MYRF: variants seen among roughly 807,000 people sequenced by gnomAD.
The protein encoded by MYRF is myelin regulatory factor, also known as myelin gene regulatory factor.
A neutral mutation model predicts 126.3 loss-of-function variants in MYRF; 16 were observed. The ratio of observed to expected loss-of-function variants is 0.13; its 90% CI spans 0.09 to 0.19. MYRF has a LOEUF of 0.19. Ranked by LOEUF, MYRF falls within the 10% of genes least tolerant of loss-of-function variation. The pLI is 1.00. For synonymous variants in MYRF, 608 were observed against 635.3 expected (o/e 0.96, Z 0.65); for missense variants, 1,104 against 1,547.0 (o/e 0.71, Z 4.80).
rs775085264 is a variant in MYRF at position 61,757,266 on chromosome 11, G to A, written c.46+4476G>A. On this transcript the variant is annotated intron_variant, in intron 1 of 26. Transcript: ENST00000278836. The surrounding 1 kb of genome is among the most constrained non-coding windows in gnomAD (Gnocchi z 4.7). ...GATGATGTAATGGTTCTGTGCATTC[G>A]CCAGCGAGGGCAGCTGGGGTCTGTT... The A allele has an allele frequency of 1.1e-5, 5 of 456,528 alleles. No homozygotes were observed. The highest frequency in any genetic ancestry group is 1.8e-5 in the Non-Finnish European group (4 of 226,934). 28.3% of individuals were successfully genotyped at this position (456,528 alleles called of 1,614,324 possible). A position where few individuals can be genotyped will look rare whatever the true frequency, so the allele number is the denominator to read the frequency against.
chr11:61,778,563 T>C lies in MYRF; in HGVS notation c.2013+74T>C, dbSNP rs1259338251. Reference sequence around the variant, plus strand: ...AGCTGGGGAACACTCATCACCTCCATAGATACTGGGGGCACTGCAAAGCAG... The same window carrying C: ...AGCTGGGGAACACTCATCACCTCCACAGATACTGGGGGCACTGCAAAGCAG... On this transcript the variant is annotated intron_variant, in intron 14 of 26. Coordinates refer to ENST00000278836, the MANE Select transcript of MYRF (RefSeq NM_001127392.3). The surrounding 1 kb of genome is among the most constrained non-coding windows in gnomAD (Gnocchi z 4.6). 3 of 1,077,944 alleles carry C rather than the reference T, an allele frequency of 2.8e-6. No homozygotes were observed. The highest frequency in any genetic ancestry group is 1.7e-5 in the Admixed American group (1 of 58,472). 66.8% of individuals were successfully genotyped at this position (1,077,944 alleles called of 1,614,324 possible). A position where few individuals can be genotyped will look rare whatever the true frequency, so the allele number is the denominator to read the frequency against.
chr11:61,771,430 G>A (rs2135789129), intron 5 of MYRF, 70 bp from the exon 6 acceptor site: 2 of 1,552,922 alleles, frequency 1.3e-6, no homozygotes, highest in South Asian at 2.4e-5. Flanking sequence ...AGGGGAGAGA[G>A]GTGGATACTA....
chr11:61,762,724 G>T (rs1449957835), intron 1 of MYRF, among the ~76,000 whole-genome samples: 1 of 152,172 alleles, frequency 6.6e-6, no homozygotes, highest in Non-Finnish European at 1.5e-5. Flanking sequence ...GGAAAGAGAC[G>T]ACGCGGCCTC....
In MYRF at chr11:61,766,147, C is replaced by T. The variant is rs750145999; in HGVS notation, c.324C>T (p.Gly108=). The change falls in exon 3 of 27, where the codon GGC becomes GGT. Residue 108 remains glycine, a synonymous_variant. Coordinates refer to ENST00000278836, the MANE Select transcript of MYRF (RefSeq NM_001127392.3). The part of the protein sequence containing the change: ...PLNCNNNNGM[G]AAPKPFPGGT... ...ACTGCAACAACAACAACGGCATGGG[C>T]GCTGCCCCCAAGCCCTTCCCGGGGG... is the stretch of plus-strand genomic sequence containing the variant. 21 of 1,611,060 alleles carry T rather than the reference C, an allele frequency of 1.3e-5. 1 individual carries two copies. Among genetic ancestry groups the T allele is most frequent in the Admixed American group, 8.3e-5 (5 of 59,994 alleles).
intron 7 of MYRF, among the ~76,000 whole-genome samples, chr11:61,772,405 C>T (rs1021219370): frequency 5.3e-5 from 8 of 152,228 alleles, no homozygotes; most frequent in Non-Finnish European, 1.0e-4. Context: ...CTTTCCAGGC[C>T]GCAGGCCGGG....
At chr11:61,768,067 G>A (rs1156284956) in intron 3 of MYRF, among the ~76,000 whole-genome samples, 1 of 151,134 alleles carries the variant, frequency 6.6e-6, no homozygotes, top group Non-Finnish European at 1.5e-5. Context: ...ACAGTGAGTG[G>A]TGATTGTGCC....
Position 61,757,693 on chromosome 11 carries a change from G to A in MYRF, c.46+4903G>A. ...TTCTGTTCTTGCTGCCAGCAAGGAG[G>A]AGGGGCTTGGCTGTATTGTGACTTC... On this transcript the variant is annotated intron_variant, in intron 1 of 26. Coordinates refer to ENST00000278836, the MANE Select transcript of MYRF (RefSeq NM_001127392.3). This position sits in a 1 kb window ranked among gnomAD's most constrained non-coding sequence, Gnocchi z 4.7. 2.6e-6 allele frequency: 1 copy of A among 388,288 alleles called. No homozygotes were observed. The allele number at this position is 388,288 out of a possible 1,614,324, so 24.1% of individuals were successfully genotyped here.
At chr11:61,762,207 A>G (rs1352792822) in intron 1 of MYRF, among the ~76,000 whole-genome samples, 1 of 150,232 alleles carries the variant, frequency 6.7e-6, no homozygotes, top group Non-Finnish European at 1.5e-5. Flanking sequence ...AGAGGAGGGG[A>G]GGCAGGGGAC....
chr11:61,761,209 C>T (rs1215285917), intron 1 of MYRF, among the ~76,000 whole-genome samples: 1 of 152,040 alleles, frequency 6.6e-6, no homozygotes, highest in Non-Finnish European at 1.5e-5. Context: ...TCCCCACCCT[C>T]CCCCGTTCCC....
intron 4 of MYRF, 92 bp from the exon 5 acceptor site, chr11:61,770,154 G>A: frequency 7.6e-7 from 1 of 1,318,686 alleles, no homozygotes; most frequent in Non-Finnish European, 1.0e-6. Context: ...TCAGGACGGG[G>A]TGGAAGCAGG....
chr11:61,775,332 G>A (rs1454254631), intron 8 of MYRF, among the ~76,000 whole-genome samples: 2 of 151,848 alleles, frequency 1.3e-5, no homozygotes, highest in African/African-American at 2.4e-5. Flanking sequence ...CGCAGCCCCC[G>A]CCCTCCACCC....
At chr11:61,753,199 G>A (rs901198390) in intron 1 of MYRF, among the ~76,000 whole-genome samples, 1 of 151,988 alleles carries the variant, frequency 6.6e-6, no homozygotes, top group Non-Finnish European at 1.5e-5. Flanking sequence ...CCCCCGGTGT[G>A]CCTTCTAGGA....
At chr11:61,753,613 G>A (rs1447752917) in intron 1 of MYRF, among the ~76,000 whole-genome samples, 1 of 151,134 alleles carries the variant, frequency 6.6e-6, no homozygotes, top group Admixed American at 6.6e-5. Context: ...CTGGAGCTGT[G>A]CCTCTCTGAC....
intron 22 of MYRF, chr11:61,782,799 G>A (rs2066587767): frequency 1.3e-5 from 2 of 152,324 alleles, no homozygotes; most frequent in Admixed American, 1.3e-4. Flanking sequence ...TACCTGTCCT[G>A]ACCACACAGG....
rs772784092 is a variant in MYRF at position 61,771,859 on chromosome 11, G to T, written c.1022G>T (p.Gly341Val). ...CTGCAGGACAGTGACAGCCTCAGTG[G>T]CTCCTACCTGGACCCCAACTACCAG... ...GLLQDSDSLSGSYLDPNYQSI... is the reference protein window; with the variant it reads ...GLLQDSDSLSVSYLDPNYQSI... Residue 341 changes from glycine (G) to valine (V), a missense_variant, in exon 7 of 27, where the codon GGC becomes GTC. Physicochemically the swap from Gly to Val is moderately radical, Grantham distance 109. Transcript: ENST00000278836. The T allele has an allele frequency of 8.7e-6, 14 of 1,614,140 alleles. No individual in the cohort carries two copies. The highest frequency in any genetic ancestry group is 1.1e-5 in the Non-Finnish European group (13 of 1,180,018).
At position 61,771,686 on chromosome 11, in the gene MYRF, C is replaced by T; in HGVS notation, c.927C>T (p.Ser309=). The T allele has an allele frequency of 6.2e-7, 1 of 1,613,926 alleles. No individual in the cohort carries two copies. Among genetic ancestry groups the T allele is most frequent in the Non-Finnish European group, 8.5e-7 (1 of 1,180,000 alleles). The change falls in exon 6 of 27, where the codon TCC becomes TCT. Residue 309 remains serine, a synonymous_variant. Transcript: ENST00000278836. The part of the protein sequence containing the change: ...PQGPLSPGPG[S]LPLSIARVQT... ...GTCCGCTCTCCCCGGGCCCTGGTTCCTTGCCTCTCAGCATTGCCCGTGTCC... is the reference window on the plus strand; with the variant it reads ...GTCCGCTCTCCCCGGGCCCTGGTTCTTTGCCTCTCAGCATTGCCCGTGTCC...
intron 2 of MYRF, 26 bp downstream of exon 2, chr11:61,765,738 C>T (rs1388034264): frequency 9.4e-6 from 15 of 1,593,734 alleles, no homozygotes; most frequent in Non-Finnish European, 1.3e-5. Context: ...GCCCGGCCTG[C>T]ACCCGCCCAG....
intron 1 of MYRF, chr11:61,755,611 C>T (rs2065729107): frequency 1.2e-6 from 1 of 828,292 alleles, no homozygotes; most frequent in African/African-American, 1.7e-5. Flanking sequence ...GAGCTCTTGC[C>T]CTCTTTAAGT....
intron 1 of MYRF, chr11:61,755,567 G>T: frequency 8.0e-7 from 1 of 1,246,464 alleles, no homozygotes; most frequent in Non-Finnish European, 1.2e-6. Context: ...CTGAGAGTGG[G>T]GTGACCGTCT....
Sources: allele counts gnomAD v4.1 joint callset (sites outside exome capture counted in the v4.1 genomes callset), GRCh38; gene constraint gnomAD v4.1.1; non-coding constraint Gnocchi (gnomAD v3.1); transcripts MANE v1.5; gene names NCBI Gene and HGNC (gene_info 2026-07-23, HGNC 2026-07-21).